Variants in TMTC1 observed in about 807,000 individuals in gnomAD.
The protein encoded by TMTC1 is protein O-mannosyl-transferase TMTC1.
Under a neutral mutation model 104.8 loss-of-function variants are expected in TMTC1, and 73 were observed. The observed-to-expected ratio is 0.70, with a 90% confidence interval of 0.58 to 0.85. TMTC1 has a LOEUF of 0.85. TMTC1 is among the 40% of genes least tolerant of loss of function. The probability of loss-of-function intolerance (pLI) is 0.00; values close to 1 mark genes in which losing one functional copy is unlikely to be tolerated. For synonymous variants in TMTC1, 434 were observed against 428.7 expected (o/e 1.01, Z -0.15); for missense variants, 1,035 against 1,096.1 (o/e 0.94, Z 0.79).
In TMTC1 at chr12:29,621,518, T is replaced by G. The variant is rs144461235; in HGVS notation, c.1128+11629A>C. On this transcript the variant is annotated intron_variant, in intron 6 of 17. Transcript: ENST00000539277. Reference sequence around the variant, plus strand: ...TACCTTGTTCTTTTTTTAAAAAAAGTTTGCCATTTCTTGGTCTATCCTACC... The same window carrying G: ...TACCTTGTTCTTTTTTTAAAAAAAGGTTGCCATTTCTTGGTCTATCCTACC... Among the ~76,000 whole-genome samples, 95 of 152,284 alleles carry G rather than the reference T, an allele frequency of 6.2e-4. 3 individuals are homozygous for G. In the East Asian group the frequency reaches 0.017, roughly 28 times the overall value.
At chr12:29,605,571 TAAAAA>T (rs34353381) in intron 6 of TMTC1, among the ~76,000 whole-genome samples, 8 of 101,886 alleles carry the variant, frequency 7.9e-5, no homozygotes, top group African/African-American at 2.8e-4. Flanking sequence ...CCAAAAAGGG[TAAAAA>T]AAAAAAAAAA....
intron 6 of TMTC1, among the ~76,000 whole-genome samples, chr12:29,629,012 G>A (rs1302371407): frequency 6.6e-6 from 1 of 151,458 alleles, no homozygotes; most frequent in Non-Finnish European, 1.5e-5. Context: ...TTGCCAATCA[G>A]AAAATTTTTA....
chr12:29,689,828 C>G (rs1941211220), intron 5 of TMTC1, among the ~76,000 whole-genome samples: 1 of 152,292 alleles, frequency 6.6e-6, no homozygotes, highest in South Asian at 2.1e-4. Flanking sequence ...TTCCACTCTT[C>G]TAGAAGCCAT....
chr12:29,659,344 C>G (rs1939906912), intron 5 of TMTC1, among the ~76,000 whole-genome samples: 2 of 152,116 alleles, frequency 1.3e-5, no homozygotes, highest in African/African-American at 4.8e-5. Flanking sequence ...AGGGCAGAAC[C>G]CTTATGAGTA....
chr12:29,531,169 G>A (rs1944493025), intron 11 of TMTC1, among the ~76,000 whole-genome samples: 1 of 152,110 alleles, frequency 6.6e-6, no homozygotes, highest in South Asian at 2.1e-4. Context: ...GGCGCTTGGT[G>A]GCATCTAGAT....
chr12:29,594,044 C>T (rs1051219694), intron 7 of TMTC1, among the ~76,000 whole-genome samples: 4 of 152,292 alleles, frequency 2.6e-5, no homozygotes, highest in African/African-American at 4.8e-5. Context: ...ATATTCAGGG[C>T]CTGGCTGTTT....
intron 11 of TMTC1, among the ~76,000 whole-genome samples, chr12:29,526,994 T>C (rs761611440): frequency 6.6e-6 from 1 of 152,186 alleles, no homozygotes; most frequent in Non-Finnish European, 1.5e-5. Context: ...CAAATAAGTC[T>C]ATAAACTCTC....
At chr12:29,747,329 C>T (rs555138388) in intron 5 of TMTC1, among the ~76,000 whole-genome samples, 2 of 152,130 alleles carry the variant, frequency 1.3e-5, no homozygotes, top group African/African-American at 2.4e-5. Context: ...AAAGAAGCAT[C>T]AACTAAAATG....
intron 5 of TMTC1, among the ~76,000 whole-genome samples, chr12:29,717,527 G>C (rs534010853): frequency 6.6e-6 from 1 of 152,160 alleles, no homozygotes; most frequent in African/African-American, 2.4e-5. Flanking sequence ...TTAAAAAAAA[G>C]ATCAGGTTTT....
intron 5 of TMTC1, among the ~76,000 whole-genome samples, chr12:29,704,529 T>C (rs1313199154): frequency 6.6e-6 from 1 of 152,232 alleles, no homozygotes; most frequent in Non-Finnish European, 1.5e-5. Context: ...GCTACTATGA[T>C]GAGTGGCAAT....
chr12:29,595,511 C>T (rs1037293081), intron 7 of TMTC1, among the ~76,000 whole-genome samples: 1 of 152,210 alleles, frequency 6.6e-6, no homozygotes, highest in Non-Finnish European at 1.5e-5. Flanking sequence ...GCCCCACAGT[C>T]CTTGATGATT....
At chr12:29,663,023 C>T (rs1356089558) in intron 5 of TMTC1, among the ~76,000 whole-genome samples, 1 of 152,172 alleles carries the variant, frequency 6.6e-6, no homozygotes, top group East Asian at 1.9e-4. Flanking sequence ...TCACAACCCA[C>T]GGGGATAGCT....
At chr12:29,668,925 TTGCTGCAGGTTGAAACACAAG>T (rs1940397492) in intron 5 of TMTC1, among the ~76,000 whole-genome samples, 2 of 152,214 alleles carry the variant, frequency 1.3e-5, no homozygotes, top group South Asian at 4.1e-4. Flanking sequence ...CATGTAGTGA[TTGCTGCAGGTTGAAACACAAG>T]TGCCATCCAT....
chr12:29,516,235 C>T (rs895568099), intron 15 of TMTC1, 114 bp downstream of exon 15: 38 of 1,314,176 alleles, frequency 2.9e-5, no homozygotes, highest in Middle Eastern at 4.2e-4. Flanking sequence ...GATATGCTGA[C>T]GGATAAGATT....
intron 5 of TMTC1, among the ~76,000 whole-genome samples, chr12:29,642,953 AAAC>A (rs1938927179): frequency 4.1e-5 from 6 of 147,994 alleles, no homozygotes; most frequent in South Asian, 4.3e-4. Context: ...ACAAACAAAC[AAAC>A]AAAAAAACCC....
chr12:29,689,652 C>G (rs1941205238), intron 5 of TMTC1, among the ~76,000 whole-genome samples: 1 of 152,188 alleles, frequency 6.6e-6, no homozygotes, highest in Non-Finnish European at 1.5e-5. Context: ...ATTTTTAATA[C>G]TTTCCTGAAC....
At chr12:29,766,792 T>C (rs921566506) in intron 2 of TMTC1, among the ~76,000 whole-genome samples, 1 of 152,160 alleles carries the variant, frequency 6.6e-6, no homozygotes, top group South Asian at 2.1e-4. Flanking sequence ...TGTAAAACTG[T>C]GGTGCCCATG....
intron 10 of TMTC1, among the ~76,000 whole-genome samples, chr12:29,553,866 T>A (rs979336711): frequency 6.6e-6 from 1 of 152,160 alleles, no homozygotes; most frequent in Non-Finnish European, 1.5e-5. Flanking sequence ...ATGAAACTTA[T>A]AAGAATATCT....
At chr12:29,750,080 CACA>C (rs897216816) in intron 5 of TMTC1, among the ~76,000 whole-genome samples, 2 of 151,730 alleles carry the variant, frequency 1.3e-5, no homozygotes, top group African/African-American at 4.8e-5. Flanking sequence ...CACACACACA[CACA>C]CACACACACA....
Sources: allele counts gnomAD v4.1 joint callset (sites outside exome capture counted in the v4.1 genomes callset), GRCh38; gene constraint gnomAD v4.1.1; transcripts MANE v1.5; gene names NCBI Gene and HGNC (gene_info 2026-07-23, HGNC 2026-07-21).